The following GPNMB variants were observed in gnomAD, a reference collection of about 807,000 sequenced individuals.
GPNMB encodes transmembrane glycoprotein NMB.
GPNMB carries 71 observed loss-of-function variants against 57.3 expected under a neutral mutation model. The ratio of observed to expected loss-of-function variants is 1.24; its 90% CI spans 1.02 to 1.51. The LOEUF (loss-of-function observed/expected upper bound fraction) is 1.51. Ranked by LOEUF, GPNMB falls within the 40% of genes most tolerant of loss-of-function variation. The pLI, the probability that GPNMB is intolerant of heterozygous loss-of-function variation, is 0.00. For missense variants in GPNMB, 677 were observed against 691.9 expected (o/e 0.98, Z 0.24); for synonymous variants, 253 against 263.2 (o/e 0.96, Z 0.38).
At chr7:23,271,960 C>A (rs1783217919) in intron 9 of GPNMB, among the ~76,000 whole-genome samples, 1 of 152,154 alleles carries the variant, frequency 6.6e-6, no homozygotes, top group South Asian at 2.1e-4. Flanking sequence ...ATCCAAGGTG[C>A]AGATTTAAAA....
chr7:23,268,019 G>T lies in GPNMB; in HGVS notation c.1220+31G>T, dbSNP rs754545301. On this transcript the variant is annotated intron_variant, in intron 8 of 10. Coordinates refer to ENST00000258733, the MANE Select transcript of GPNMB (RefSeq NM_002510.3). The stretch of plus-strand genomic sequence containing the variant: ...TATATTATCTCCGACAGAGGCATGG[G>T]TGGGTCAACTGAGGACCTCAAGTCT... 5.9e-6 allele frequency: 3 copies of T among 509,808 alleles called. No individual in the cohort carries two copies. The South Asian group carries it at 8.7e-5, about 15-fold the overall frequency. 31.6% of individuals were successfully genotyped at this position (509,808 alleles called of 1,614,324 possible). A position where few individuals can be genotyped will look rare whatever the true frequency, so the allele number is the denominator to read the frequency against.
At chr7:23,267,195 G>A (rs964803602) in intron 7 of GPNMB, among the ~76,000 whole-genome samples, 2 of 152,230 alleles carry the variant, frequency 1.3e-5, no homozygotes, top group African/African-American at 4.8e-5. Context: ...GCCTGGGGCT[G>A]CGTCTACCCA....
intron 9 of GPNMB, among the ~76,000 whole-genome samples, chr7:23,272,905 G>A (rs1171054911): frequency 6.6e-6 from 1 of 151,178 alleles, no homozygotes; most frequent in South Asian, 2.1e-4. Context: ...GTGCAGTAGG[G>A]TAATCATGGC....
chr7:23,273,987 G>A (rs544422409), intron 10 of GPNMB, 78 bp from the exon 11 acceptor site: 2 of 1,081,418 alleles, frequency 1.8e-6, no homozygotes, highest in African/African-American at 3.2e-5. Flanking sequence ...TTTATACCTG[G>A]CATGAAAAAG....
At chr7:23,268,244 T>G (rs1783117926) in intron 8 of GPNMB, among the ~76,000 whole-genome samples, 1 of 152,178 alleles carries the variant, frequency 6.6e-6, no homozygotes, top group African/African-American at 2.4e-5. Flanking sequence ...GTTTGAACAC[T>G]TAACTGAATT....
intron 4 of GPNMB, among the ~76,000 whole-genome samples, chr7:23,259,193 T>G (rs1050841849): frequency 6.6e-6 from 1 of 151,522 alleles, no homozygotes; most frequent in Non-Finnish European, 1.5e-5. Context: ...GGATTTTTAT[T>G]TTTATTTTTT....
At chr7:23,254,011 A>C (rs1182455964) in intron 2 of GPNMB, among the ~76,000 whole-genome samples, 158 bp from the exon 3 acceptor site, 1 of 152,152 alleles carries the variant, frequency 6.6e-6, no homozygotes, top group East Asian at 1.9e-4. Flanking sequence ...AGAGTGTTGT[A>C]CTCTGAAAGC....
At chr7:23,260,852 C>A in intron 6 of GPNMB, 79 bp downstream of exon 6, 1 of 1,131,018 alleles carries the variant, frequency 8.8e-7, no homozygotes, top group African/African-American at 1.6e-5. Context: ...TATTAAATCC[C>A]TCCTTAAGGG....
rs1783108504 is a variant in GPNMB, at chr7:23,267,931, T to C, written c.1163T>C (p.Met388Thr). ...ATCATCCAGATGACAGACGTCCTGATGCCGGTGCCATGGCCTGAAAGCTCC... is the reference window on the plus strand; with the variant it reads ...ATCATCCAGATGACAGACGTCCTGACGCCGGTGCCATGGCCTGAAAGCTCC... Reference protein sequence around the residue: ...VNIIQMTDVLMPVPWPESSLI... With the variant: ...VNIIQMTDVLTPVPWPESSLI... The change falls in exon 8 of 11, where the codon ATG becomes ACG. Residue 388 changes from methionine to threonine, a missense_variant. Transcript: ENST00000258733. The C allele has an allele frequency of 6.2e-7, 1 of 1,613,830 alleles. No homozygotes were observed. Among genetic ancestry groups the C allele is most frequent in the African/African-American group, 1.3e-5 (1 of 74,924 alleles).
intron 6 of GPNMB, 67 bp from the exon 7 acceptor site, chr7:23,266,450 A>G: frequency 6.5e-7 from 1 of 1,528,212 alleles, no homozygotes; most frequent in Non-Finnish European, 8.9e-7. Flanking sequence ...TAGATTTTTT[A>G]TTATATCACA....
chr7:23,270,390 A>G (rs750743048), intron 9 of GPNMB, among the ~76,000 whole-genome samples: 2 of 152,224 alleles, frequency 1.3e-5, no homozygotes, highest in African/African-American at 2.4e-5. Flanking sequence ...ATAGTGGCCA[A>G]AGAAAAGCCT....
chr7:23,259,276 C>G (rs568442085), intron 4 of GPNMB, among the ~76,000 whole-genome samples: 1 of 152,162 alleles, frequency 6.6e-6, no homozygotes, highest in African/African-American at 2.4e-5. Flanking sequence ...ATCCCCGCTC[C>G]GGGTTTAACC....
chr7:23,266,721 C>T, intron 7 of GPNMB, 106 bp downstream of exon 7: 1 of 926,100 alleles, frequency 1.1e-6, no homozygotes, highest in Non-Finnish European at 1.6e-6. Flanking sequence ...GTAAGGGCAC[C>T]CCTCTGCTTG....
chr7:23,266,706 A>C (rs1202842208), intron 7 of GPNMB, 91 bp downstream of exon 7: 1 of 1,141,292 alleles, frequency 8.8e-7, no homozygotes, highest in Admixed American at 2.4e-5. Context: ...GGGTAGAGGT[A>C]GGTGGTAAGG....
intron 9 of GPNMB, among the ~76,000 whole-genome samples, chr7:23,271,233 C>T (rs970603468): frequency 6.6e-6 from 1 of 152,140 alleles, no homozygotes; most frequent in Non-Finnish European, 1.5e-5. Context: ...AGAGCTTGGG[C>T]GATAATGCTC....
rs1005438553 is a variant in GPNMB, at chr7:23,274,724, G to A, written c.*500G>A. ...GAACAATAACAGGCCCAAGCCTGTG[G>A]TATGATGTGCACACTTGCTAGACTC... is the stretch of plus-strand genomic sequence containing the variant. On this transcript the variant is annotated 3_prime_UTR_variant, in exon 11 of 11. Transcript: ENST00000258733. 1 of 152,872 alleles carries A rather than the reference G, an allele frequency of 6.5e-6. No individual in the cohort carries two copies. Among genetic ancestry groups the A allele is most frequent in the East Asian group, 1.9e-4 (1 of 5,186 alleles). The allele number at this position is 152,872 out of a possible 1,614,324, so 9.5% of individuals were successfully genotyped here.
intron 1 of GPNMB, chr7:23,247,245 G>C (rs1782553634): frequency 2.7e-6 from 1 of 364,706 alleles, no homozygotes; most frequent in African/African-American, 2.1e-5. Flanking sequence ...TCCGGCCACA[G>C]AACAAAGCAA....
chr7:23,258,778 A>G (rs1782840784), intron 4 of GPNMB, among the ~76,000 whole-genome samples: 1 of 152,196 alleles, frequency 6.6e-6, no homozygotes, highest in Non-Finnish European at 1.5e-5. Context: ...TTCTGATGGA[A>G]CTACCCCTGC....
At chr7:23,252,088 A>G (rs2128481015) in intron 1 of GPNMB, among the ~76,000 whole-genome samples, 1 of 152,352 alleles carries the variant, frequency 6.6e-6, no homozygotes, top group South Asian at 2.1e-4. Context: ...CACTCAGAAC[A>G]AAGTAAGTGA....
Sources: allele counts gnomAD v4.1 joint callset (sites outside exome capture counted in the v4.1 genomes callset), GRCh38; gene constraint gnomAD v4.1.1; transcripts MANE v1.5; gene names NCBI Gene and HGNC (gene_info 2026-07-23, HGNC 2026-07-21).